The following TMEM63A variants were observed in gnomAD, a reference collection of about 807,000 sequenced individuals.
TMEM63A encodes transmembrane protein 63A, also known as mechanosensitive cation channel TMEM63A.
TMEM63A carries 76 observed loss-of-function variants against 100.6 expected under a neutral mutation model. The observed-to-expected ratio is 0.76, with a 90% confidence interval of 0.63 to 0.91. The LOEUF (loss-of-function observed/expected upper bound fraction) is 0.91. Among genes scored for constraint, TMEM63A ranks in the 40% least tolerant of loss-of-function variants. TMEM63A has a pLI of 0.00. For missense variants in TMEM63A, 876 were observed against 1,008.8 expected, an observed-to-expected ratio of 0.87 and a Z score of 1.78; for synonymous variants, 401 against 401.1, an observed-to-expected ratio of 1.00 and a Z score of 0.00.
At chr1:225,848,218 A>G (rs1442260810) in intron 23 of TMEM63A, 1 of 475,330 alleles carries the variant, frequency 2.1e-6, no homozygotes, top group East Asian at 3.6e-5. Context: ...ACCAGGCATT[A>G]AATATGCAGA....
intron 20 of TMEM63A, among the ~76,000 whole-genome samples, chr1:225,851,380 A>T (rs985132110): frequency 2.6e-5 from 4 of 151,340 alleles, no homozygotes; most frequent in Middle Eastern, 3.2e-3. Context: ...TTTATTTTTT[A>T]TTTTTTTTGA....
intron 14 of TMEM63A, chr1:225,860,158 C>CA (rs1157536779): frequency 6.5e-6 from 1 of 152,772 alleles, no homozygotes; most frequent in Admixed American, 6.5e-5. Context: ...GCAAAACTGT[C>CA]AGAGGCAGAA....
At chr1:225,857,790 G>A (rs1228040290) in intron 15 of TMEM63A, among the ~76,000 whole-genome samples, 2 of 152,188 alleles carry the variant, frequency 1.3e-5, no homozygotes, top group African/African-American at 4.8e-5. Context: ...ATGTAAAGTA[G>A]ACAAAGGGGA....
chr1:225,857,391 G>A lies in TMEM63A; in HGVS notation c.1378-374C>T, dbSNP rs201102201. On this transcript the variant is annotated intron_variant, in intron 15 of 24. Transcript: ENST00000366835. ...GAGTCCTGGCCGGCGGGGCGGGGGG[G>A]GGGGGGTGCCCTGCCTGCTCAGCTC... Among the ~76,000 whole-genome samples, 72 of 133,184 alleles carry A rather than the reference G, an allele frequency of 5.4e-4. 3 individuals carry two copies. The highest frequency in any genetic ancestry group is 1.7e-3 in the African/African-American group (62 of 36,218). 87.4% of individuals were successfully genotyped at this position (133,184 alleles called of 152,430 possible).
intron 4 of TMEM63A, among the ~76,000 whole-genome samples, chr1:225,873,000 C>T (rs975453922): frequency 2.4e-4 from 37 of 152,118 alleles, no homozygotes; most frequent in Middle Eastern, 3.2e-3. Context: ...GGCTGTGACT[C>T]CTTTTCTCTA....
Position 225,865,800 on chromosome 1 carries a change from G to C in TMEM63A, c.746+97C>G, listed in dbSNP as rs1559045194. On this transcript the variant is annotated intron_variant, in intron 10 of 24. Coordinates refer to ENST00000366835, the MANE Select transcript of TMEM63A (RefSeq NM_014698.3). The surrounding 1 kb of genome is among the most constrained non-coding windows in gnomAD (Gnocchi z 4.6). ...ATCTCACCTGGATACCCAAGCGAGA[G>C]ACAGAAGGCGCTCACCTAAGGTGCT... is the stretch of plus-strand genomic sequence containing the variant. 3.1e-6 allele frequency: 4 copies of C among 1,275,374 alleles called. No homozygotes were observed. The highest frequency in any genetic ancestry group is 4.5e-6 in the Non-Finnish European group (4 of 898,402). The allele number at this position is 1,275,374 out of a possible 1,614,324, so 79.0% of individuals were successfully genotyped here. A position where few individuals can be genotyped will look rare whatever the true frequency, so the allele number is the denominator to read the frequency against.
chr1:225,866,253 C>T, intron 9 of TMEM63A: 1 of 522,824 alleles, frequency 1.9e-6, no homozygotes, highest in African/African-American at 1.9e-5. Context: ...CACAGCAGAT[C>T]AGAGGAGGAC....
chr1:225,874,370 A>G lies in TMEM63A; in HGVS notation c.187-3T>C. 1 of 1,612,082 alleles carries G rather than the reference A, an allele frequency of 6.2e-7. No homozygotes were observed. The highest frequency in any genetic ancestry group is 8.5e-7 in the Non-Finnish European group (1 of 1,179,362). ...ATAGAAAACACCAAGATTAAGAACT[A>G]AAAACAGAAAAGAAACCAAGTAAAA... On this transcript the variant is annotated splice_polypyrimidine_tract_variant and splice_region_variant and intron_variant, in intron 3 of 24. Coordinates refer to ENST00000366835, the MANE Select transcript of TMEM63A (RefSeq NM_014698.3).
chr1:225,857,156 G>A, intron 15 of TMEM63A, 139 bp from the exon 16 acceptor site: 2 of 636,882 alleles, frequency 3.1e-6, no homozygotes, highest in Non-Finnish European at 5.1e-6. Flanking sequence ...CCAAAACTGT[G>A]CCAGGTACAG....
chr1:225,844,395 AGC>A, downstream of TMEM63A: 1 of 1,580,324 alleles, frequency 6.3e-7, no homozygotes, highest in Non-Finnish European at 8.7e-7. Context: ...TGAGGAGGGA[AGC>A]CGCATGGGCA....
Position 225,862,509 on chromosome 1 carries a change from G to T in TMEM63A, c.897C>A (p.Ile299=), listed in dbSNP as rs1438896908. The change falls in exon 12 of 25, where the codon ATC becomes ATA. Residue 299 remains isoleucine (I), a synonymous_variant. Coordinates refer to ENST00000366835, the MANE Select transcript of TMEM63A (RefSeq NM_014698.3). This position sits in a 1 kb window ranked among gnomAD's most constrained non-coding sequence, Gnocchi z 5.1. The part of the protein sequence containing the change: ...LQVKTGQRTL[I]NPKPCGQFCC... ...AAAACTGGCCACAGGGCTTGGGGTTGATGAGGGTCCGCTGGCCTGTCTTCA... is the reference window on the plus strand; with the variant it reads ...AAAACTGGCCACAGGGCTTGGGGTTTATGAGGGTCCGCTGGCCTGTCTTCA... The T allele has an allele frequency of 6.2e-7, 1 of 1,614,080 alleles. No homozygotes were observed. The highest frequency in any genetic ancestry group is 1.3e-5 in the African/African-American group (1 of 74,942).
chr1:225,856,707 C>A lies in TMEM63A; in HGVS notation c.1516G>T (p.Val506Phe). The change falls in exon 17 of 25, where the codon GTC (valine) becomes TTC (phenylalanine). Residue 506 changes from valine (V) to phenylalanine (F), a missense_variant. Transcript: ENST00000366835. Reference protein sequence around the residue: ...SGENQIMMTKVYIFLIFMVLI... With the variant: ...SGENQIMMTKFYIFLIFMVLI... ...ACCATGAAGATCAAGAATATGTAGA[C>A]TTTGGTCATCATGATCTGGTTTTCC... 1 of 1,613,884 alleles carries A rather than the reference C, an allele frequency of 6.2e-7. No homozygotes were observed. Among genetic ancestry groups the A allele is most frequent in the Non-Finnish European group, 8.5e-7 (1 of 1,179,980 alleles).
intron 6 of TMEM63A, 79 bp from the exon 7 acceptor site, chr1:225,868,109 C>T: frequency 6.4e-7 from 1 of 1,553,076 alleles, no homozygotes; most frequent in Non-Finnish European, 8.8e-7. Flanking sequence ...ATATCATCCT[C>T]ACCACACTCT....
chr1:225,865,897 C>A lies in TMEM63A; in HGVS notation c.746G>T (p.Arg249Leu). 6.2e-7 allele frequency: 1 copy of A among 1,613,924 alleles called. No individual in the cohort carries two copies. Among genetic ancestry groups the A allele is most frequent in the South Asian group, 1.1e-5 (1 of 91,044 alleles). ...CTCCCCTCCCACCCCACCTGCTTAC[C>A]GGAAGTGGCTCTCCACAGTCTCCTT... ...ARKETVESHF[R>L]DAYPTCEVVD... Residue 249 changes from arginine (R) to leucine (L), a missense_variant and splice_region_variant, in exon 10 of 25, where the codon CGG (arginine) becomes CTG (leucine). Physicochemically the swap from Arg to Leu is moderately radical, Grantham distance 102. Transcript: ENST00000366835. This position sits in a 1 kb window ranked among gnomAD's most constrained non-coding sequence, Gnocchi z 4.6.
At chr1:225,873,725 T>C (rs1176275660) in intron 4 of TMEM63A, among the ~76,000 whole-genome samples, 1 of 152,214 alleles carries the variant, frequency 6.6e-6, no homozygotes, top group South Asian at 2.1e-4. Flanking sequence ...AACCCGGCGC[T>C]GACCTGGCAG....
In TMEM63A at chr1:225,862,540, A is replaced by C; in HGVS notation, c.866T>G (p.Leu289Arg). 6.2e-7 allele frequency: 1 copy of C among 1,614,036 alleles called. No individual in the cohort carries two copies. Among genetic ancestry groups the C allele is most frequent in the Non-Finnish European group, 8.5e-7 (1 of 1,179,994 alleles). Residue 289 changes from leucine to arginine, a missense_variant, in exon 12 of 25, where the codon CTG becomes CGG. By Grantham distance (102) the Leu-to-Arg change is moderately radical. This residue lies in a region of TMEM63A where 487 missense variants were observed against 581.9 expected (regional missense o/e 0.84). Coordinates refer to ENST00000366835, the MANE Select transcript of TMEM63A (RefSeq NM_014698.3). This position sits in a 1 kb window ranked among gnomAD's most constrained non-coding sequence, Gnocchi z 5.1. ...TEKSLTYYTN[L>R]QVKTGQRTLI... ...GGTCCGCTGGCCTGTCTTCACCTGC[A>C]GGTTTGTGTAATAGGTCAGGCTCTT...
chr1:225,862,062 G>GT lies in TMEM63A; in HGVS notation c.1085+155dup. On this transcript the variant is annotated intron_variant, in intron 13 of 24. Transcript: ENST00000366835. The surrounding 1 kb of genome is among the most constrained non-coding windows in gnomAD (Gnocchi z 5.1). ...CAAACATGGGCTGGGCTGGCTGAAA[G>GT]TGAGTGTGGGTAGCTGAGGGAGGAG... is the stretch of plus-strand genomic sequence containing the variant. 1 of 1,185,112 alleles carries GT rather than the reference G, an allele frequency of 8.4e-7. No homozygotes were observed. Among genetic ancestry groups the GT allele is most frequent in the Non-Finnish European group, 1.2e-6 (1 of 858,762 alleles). 73.4% of individuals were successfully genotyped at this position (1,185,112 alleles called of 1,614,324 possible). A position where few individuals can be genotyped will look rare whatever the true frequency, so the allele number is the denominator to read the frequency against.
intron 17 of TMEM63A, 74 bp downstream of exon 17, chr1:225,856,578 G>C: frequency 6.7e-7 from 1 of 1,501,886 alleles, no homozygotes; most frequent in Non-Finnish European, 9.1e-7. Context: ...CAAACCGTTT[G>C]CATTCTCCTG....
At chr1:225,864,160 C>G (rs556592585) in intron 10 of TMEM63A, 4 of 152,136 alleles carry the variant, frequency 2.6e-5, no homozygotes, top group Admixed American at 2.0e-4. Context: ...TCATGGCCAC[C>G]ATGCAATACC....
Sources: gnomAD v4.1 joint callset for allele counts (sites outside exome capture counted in the v4.1 genomes callset) on GRCh38, gnomAD v4.1.1 for gene constraint, gnomAD v4.1.1 regional missense constraint, Gnocchi (gnomAD v3.1) non-coding constraint, MANE v1.5 for transcripts, NCBI Gene and HGNC (gene_info 2026-07-23, HGNC 2026-07-21) for gene names.